Variants in MCF2L2 observed in about 807,000 individuals in gnomAD.
MCF2L2 encodes the protein probable guanine nucleotide exchange factor MCF2L2.
Under a neutral mutation model 150.2 loss-of-function variants are expected in MCF2L2, and 102 were observed. The observed-to-expected ratio is 0.68, with a 90% CI of 0.58 to 0.80. The LOEUF (loss-of-function observed/expected upper bound fraction) is 0.80. Ranked by LOEUF, MCF2L2 falls within the 30% of genes least tolerant of loss-of-function variation. The pLI, the probability that MCF2L2 is intolerant of heterozygous loss-of-function variation, is 0.00. For synonymous variants in MCF2L2, 465 were observed against 491.3 expected (o/e 0.95, Z 0.71); for missense variants, 1,256 against 1,372.8 (o/e 0.91, Z 1.34).
In MCF2L2 at chr3:183,179,548, G is replaced by A. The variant is rs765216956; in HGVS notation, c.3221+29C>T. On this transcript the variant is annotated intron_variant, in intron 29 of 29. Transcript: ENST00000328913. This position sits in a 1 kb window ranked among gnomAD's most constrained non-coding sequence, Gnocchi z 4.2. ...GTCAGAGACGCCGTGGCCCAAAGAG[G>A]CGCTTAGTCTTTCCTCGCTCACACT... The A allele has an allele frequency of 3.1e-6, 5 of 1,612,550 alleles. No homozygotes were observed. In the East Asian group the frequency reaches 1.1e-4, roughly 36 times the overall value.
Position 183,300,153 on chromosome 3 carries a change from T to C in MCF2L2, c.1157A>G (p.Gln386Arg), listed in dbSNP as rs1289042340. The part of the protein sequence containing the change: ...KAQLLALVGD[Q>R]LIQSHHYAAD... ...TGCATAATGGTGGCTTTGGATGAGC[T>C]GGTCCCCAACCAGTGCCAGCAGCTG... is the stretch of plus-strand genomic sequence containing the variant. Residue 386 changes from glutamine to arginine, a missense_variant, in exon 11 of 30, where the codon CAG becomes CGG. Gln to Arg is a conservative substitution (Grantham distance 43, BLOSUM62 1). Transcript: ENST00000328913. 6.2e-7 allele frequency: 1 copy of C among 1,613,214 alleles called. No individual in the cohort carries two copies. Among genetic ancestry groups the C allele is most frequent in the Non-Finnish European group, 8.5e-7 (1 of 1,179,814 alleles).
At position 183,179,821 on chromosome 3, in the gene MCF2L2, C is replaced by A. The variant is rs1721454859; in HGVS notation, c.3106-129G>T. The A allele has an allele frequency of 3.7e-6, 3 of 815,436 alleles. No homozygotes were observed. In the African/African-American group the frequency reaches 5.1e-5, roughly 14 times the overall value. The allele number at this position is 815,436 out of a possible 1,614,324, so 50.5% of individuals were successfully genotyped here. On this transcript the variant is annotated intron_variant, in intron 28 of 29. Coordinates refer to ENST00000328913, the MANE Select transcript of MCF2L2 (RefSeq NM_015078.4). The surrounding 1 kb of genome is among the most constrained non-coding windows in gnomAD (Gnocchi z 4.2). Reference sequence around the variant, plus strand: ...CCTCCCACCTGGGCCACGGGGCTCTCAGCGGGAGCCCCAGTTATGACCGGA... The same window carrying A: ...CCTCCCACCTGGGCCACGGGGCTCTAAGCGGGAGCCCCAGTTATGACCGGA...
At chr3:183,351,236 A>ATT (rs71185652) in intron 3 of MCF2L2, among the ~76,000 whole-genome samples, 1 of 70,398 alleles carries the variant, frequency 1.4e-5, no homozygotes, top group Admixed American at 1.4e-4. Context: ...ATATATATAT[A>ATT]TTTATTTATT....
At chr3:183,183,658 A>G (rs537929470) in intron 27 of MCF2L2, among the ~76,000 whole-genome samples, 1 of 152,348 alleles carries the variant, frequency 6.6e-6, no homozygotes, top group Non-Finnish European at 1.5e-5. Context: ...CAGTCTTGGT[A>G]TGAGGATTAG....
chr3:183,408,109 C>T (rs891358753), intron 1 of MCF2L2, among the ~76,000 whole-genome samples: 1 of 128,402 alleles, frequency 7.8e-6, no homozygotes, highest in Non-Finnish European at 1.5e-5. Flanking sequence ...ATTACCTTGT[C>T]CCCCCCAATC....
intron 27 of MCF2L2, among the ~76,000 whole-genome samples, chr3:183,187,147 G>T (rs923023499): frequency 6.6e-6 from 1 of 151,974 alleles, no homozygotes; most frequent in Non-Finnish European, 1.5e-5. Flanking sequence ...CAAAAAAAAA[G>T]ATAATGAAAG....
At chr3:183,400,460 T>C (rs758895175) in intron 1 of MCF2L2, 2 of 456,660 alleles carry the variant, frequency 4.4e-6, no homozygotes, top group South Asian at 1.5e-5. Context: ...ATCTAGGATC[T>C]TGCTGCTCAC....
chr3:183,372,031 T>TC (rs113929960), intron 3 of MCF2L2: 1 of 149,876 alleles, frequency 6.7e-6, no homozygotes, highest in African/African-American at 2.5e-5. Flanking sequence ...TTTTTTTTTT[T>TC]ATCTTTGTAG....
intron 3 of MCF2L2, among the ~76,000 whole-genome samples, chr3:183,344,757 A>G (rs1217231945): frequency 6.6e-6 from 1 of 152,234 alleles, no homozygotes; most frequent in Non-Finnish European, 1.5e-5. Flanking sequence ...GGAAAGAAAA[A>G]AAAGACAGGG....
chr3:183,420,613 G>A (rs1177118381), intron 1 of MCF2L2, among the ~76,000 whole-genome samples: 1 of 152,030 alleles, frequency 6.6e-6, no homozygotes, highest in Non-Finnish European at 1.5e-5. Context: ...AAAGAAAAAA[G>A]ATACAACCTG....
chr3:183,314,933 T>C lies in MCF2L2; in HGVS notation c.753+3135A>G, dbSNP rs1203679629. On this transcript the variant is annotated intron_variant, in intron 7 of 29. Coordinates refer to ENST00000328913, the MANE Select transcript of MCF2L2 (RefSeq NM_015078.4). ...TTTTTTTTTTTTTTTTTTTTTTTTTTTTTTTTTTTTTTTTTTTTTTGAGAC... is the reference window on the plus strand; with the variant it reads ...TTTTTTTTTTTTTTTTTTTTTTTTTCTTTTTTTTTTTTTTTTTTTTGAGAC... Among the ~76,000 whole-genome samples the C allele has an allele frequency of 7.1e-5, 9 of 127,028 alleles. 1 individual carries two copies. Among genetic ancestry groups the C allele is most frequent in the African/African-American group, 2.5e-4 (8 of 32,596 alleles). The allele number at this position is 127,028 out of a possible 152,430, so 83.3% of individuals were successfully genotyped here.
chr3:183,414,171 G>A (rs1018073420), intron 1 of MCF2L2, among the ~76,000 whole-genome samples: 1 of 152,156 alleles, frequency 6.6e-6, no homozygotes, highest in African/African-American at 2.4e-5. Context: ...TCTTTAAATG[G>A]TTGGTAGAAT....
chr3:183,265,169 T>G (rs1725977149), intron 15 of MCF2L2: 1 of 152,246 alleles, frequency 6.6e-6, no homozygotes, highest in African/African-American at 2.4e-5. Context: ...ATTTGCAGAT[T>G]AAAGCACCGA....
intron 5 of MCF2L2, among the ~76,000 whole-genome samples, chr3:183,334,718 G>T (rs562658701): frequency 6.6e-6 from 1 of 151,208 alleles, no homozygotes; most frequent in East Asian, 1.9e-4. Context: ...GCTTGAACCT[G>T]GGAGGCAGAT....
At chr3:183,217,249 G>A (rs1722977894) in intron 21 of MCF2L2, among the ~76,000 whole-genome samples, 1 of 132,724 alleles carries the variant, frequency 7.5e-6, no homozygotes, top group Non-Finnish European at 1.5e-5. Flanking sequence ...AGCCCAGATT[G>A]TGTCATTGCA....
intron 2 of MCF2L2, among the ~76,000 whole-genome samples, chr3:183,387,348 G>A (rs1417560817): frequency 1.3e-5 from 2 of 151,836 alleles, no homozygotes; most frequent in Non-Finnish European, 2.9e-5. Flanking sequence ...TCTTTATTAT[G>A]GTCAAAGTAC....
chr3:183,413,859 A>C (rs1715446846), intron 1 of MCF2L2, among the ~76,000 whole-genome samples: 1 of 152,178 alleles, frequency 6.6e-6, no homozygotes, highest in Admixed American at 6.5e-5. Flanking sequence ...AAAGCTCTTT[A>C]TCCTCGTTGT....
intron 3 of MCF2L2, among the ~76,000 whole-genome samples, chr3:183,350,321 C>T (rs1322302990): frequency 1.3e-5 from 2 of 151,464 alleles, no homozygotes; most frequent in Non-Finnish European, 1.5e-5. Flanking sequence ...TTTTTTTCAC[C>T]CTCTCTTATT....
At position 183,270,106 on chromosome 3, in the gene MCF2L2, G is replaced by A. The variant is rs1726607436; in HGVS notation, c.1862+6766C>T. The stretch of plus-strand genomic sequence containing the variant: ...AAAACTGCTCCTGAAAACTATGATC[G>A]ACGTTCCGGAATTAGAAGGACGTGG... On this transcript the variant is annotated intron_variant, in intron 15 of 29. Coordinates refer to ENST00000328913, the MANE Select transcript of MCF2L2 (RefSeq NM_015078.4). The surrounding 1 kb of genome is among the most constrained non-coding windows in gnomAD (Gnocchi z 4.5). 5 of 1,614,026 alleles carry A rather than the reference G, an allele frequency of 3.1e-6. No individual in the cohort carries two copies. Among genetic ancestry groups the A allele is most frequent in the Non-Finnish European group, 4.2e-6 (5 of 1,180,002 alleles).
Sources: gnomAD v4.1 joint callset for allele counts (sites outside exome capture counted in the v4.1 genomes callset) on GRCh38, gnomAD v4.1.1 for gene constraint, Gnocchi (gnomAD v3.1) non-coding constraint, MANE v1.5 for transcripts, NCBI Gene and HGNC (gene_info 2026-07-23, HGNC 2026-07-21) for gene names.